AKNA: variants seen among roughly 807,000 people sequenced by gnomAD.
AKNA encodes microtubule organization protein AKNA.
AKNA carries 67 observed loss-of-function variants against 138.8 expected under a neutral mutation model. That is an observed-to-expected ratio of 0.48 (90% confidence interval 0.40 to 0.59). The LOEUF (loss-of-function observed/expected upper bound fraction) is 0.59. Ranked by LOEUF, AKNA falls within the 20% of genes least tolerant of loss-of-function variation. The pLI is 0.00. For missense variants in AKNA, 1,813 were observed against 1,880.4 expected, an observed-to-expected ratio of 0.96 and a Z score of 0.66; for synonymous variants, 737 against 754.4, an observed-to-expected ratio of 0.98 and a Z score of 0.38.
chr9:114,386,786 C>T (rs948833587), intron 1 of AKNA, among the ~76,000 whole-genome samples: 2 of 152,114 alleles, frequency 1.3e-5, no homozygotes, highest in Non-Finnish European at 2.9e-5. Flanking sequence ...CTTCTCCGCC[C>T]GCTCAGTCAT....
At chr9:114,346,051 G>C in intron 17 of AKNA, 42 bp from the exon 18 acceptor site, 3 of 1,595,554 alleles carry the variant, frequency 1.9e-6, no homozygotes, top group Non-Finnish European at 2.6e-6. Flanking sequence ...GCAAGGGGTG[G>C]GGGTCACATT....
chr9:114,391,127 T>C (rs371133293), upstream of AKNA, among the ~76,000 whole-genome samples: 1 of 152,278 alleles, frequency 6.6e-6, no homozygotes, highest in Non-Finnish European at 1.5e-5. Context: ...CATTTCACAG[T>C]TGGGTAAACA....
At chr9:114,392,588 C>T (rs1488641895), upstream of AKNA, among the ~76,000 whole-genome samples, 2 of 152,332 alleles carry the variant, frequency 1.3e-5, no homozygotes, top group Non-Finnish European at 1.5e-5. Flanking sequence ...GTTCTTGGCC[C>T]CAGTGCCCAG....
chr9:114,337,730 G>A (rs1830091834), intron 21 of AKNA, among the ~76,000 whole-genome samples: 1 of 152,004 alleles, frequency 6.6e-6, no homozygotes, highest in Non-Finnish European at 1.5e-5. Context: ...AAGAATATCT[G>A]GGGGTTCCAT....
At position 114,337,338 on chromosome 9, in the gene AKNA, A is replaced by G. The variant is rs774892836; in HGVS notation, c.4068-32T>C. The G allele has an allele frequency of 4.3e-6, 6 of 1,408,840 alleles. No individual in the cohort carries two copies. In the East Asian group the frequency reaches 7.8e-5, roughly 18 times the overall value. 87.3% of individuals were successfully genotyped at this position (1,408,840 alleles called of 1,614,324 possible). A position where few individuals can be genotyped will look rare whatever the true frequency, so the allele number is the denominator to read the frequency against. On this transcript the variant is annotated intron_variant, in intron 21 of 21. Coordinates refer to ENST00000374088, the MANE Select transcript of AKNA (RefSeq NM_001317950.2). The stretch of plus-strand genomic sequence containing the variant: ...AGAGAAGTGAGTGGGCTCGTTACAC[A>G]TGGGGAGGGCTGGGGACAAGCCGAG...
chr9:114,380,638 G>A (rs564062423), intron 2 of AKNA, among the ~76,000 whole-genome samples: 12 of 152,182 alleles, frequency 7.9e-5, no homozygotes, highest in African/African-American at 2.9e-4. Context: ...TACAGACTTT[G>A]TAGAATTTAA....
At chr9:114,366,020 T>C (rs1832322839) in intron 6 of AKNA, among the ~76,000 whole-genome samples, 1 of 152,228 alleles carries the variant, frequency 6.6e-6, no homozygotes, top group Non-Finnish European at 1.5e-5. Flanking sequence ...AAACGAAGCC[T>C]GTAATCCCAG....
At chr9:114,333,530 AT>A (rs1310844175), downstream of AKNA, among the ~76,000 whole-genome samples, 1 of 134,818 alleles carries the variant, frequency 7.4e-6, no homozygotes, top group East Asian at 2.0e-4. Flanking sequence ...ACAATGTGTG[AT>A]GATCAAATCG....
Position 114,337,096 on chromosome 9 carries a change from G to A in AKNA, c.4278C>T (p.Asp1426=), listed in dbSNP as rs375981274. ...TRQMRSSLSA[D]LRQAHSLRGS... Reference sequence around the variant, plus strand: ...CCCGCAGGCTGTGAGCCTGGCGCAGGTCGGCTGACAGCGAGCTTCTCATCT... The same window carrying A: ...CCCGCAGGCTGTGAGCCTGGCGCAGATCGGCTGACAGCGAGCTTCTCATCT... Residue 1426 remains aspartate, a synonymous_variant, in exon 22 of 22, where the codon GAC becomes GAT. Transcript: ENST00000374088. 3 of 1,597,808 alleles carry A rather than the reference G, an allele frequency of 1.9e-6. No individual in the cohort carries two copies. The highest frequency in any genetic ancestry group is 2.6e-6 in the Non-Finnish European group (3 of 1,172,946).
upstream of AKNA, among the ~76,000 whole-genome samples, chr9:114,392,923 G>C (rs1053644264): frequency 1.8e-4 from 28 of 152,210 alleles, no homozygotes; most frequent in African/African-American, 6.3e-4. Flanking sequence ...TGAGATAAGG[G>C]TTATGAGGAG....
In AKNA at chr9:114,381,326, C is replaced by G. The variant is rs772595773; in HGVS notation, c.8G>C (p.Ser3Thr). The change falls in exon 2 of 22, where the codon AGC becomes ACC. Residue 3 changes from serine (S) to threonine (T), a missense_variant. Ser to Thr is a moderately conservative substitution (Grantham distance 58). Transcript: ENST00000374088. ...AGCCCAGCGGATCTCAGTCTCCGAG[C>G]TGGCCATTGGGGCTGGCCTGGGCTT... MA[S>T]SETEIRWAEP... The G allele has an allele frequency of 2.5e-6, 4 of 1,591,516 alleles. No individual in the cohort carries two copies. Among genetic ancestry groups the G allele is most frequent in the Non-Finnish European group, 3.4e-6 (4 of 1,168,264 alleles).
rs984507980 is a variant in AKNA at position 114,377,378 on chromosome 9, C to T, written c.429G>A (p.Arg143=). The part of the protein sequence containing the change: ...EVEEAGESSS[R]LGYEAGLSLE... ...AGCTGAGACCAGCCTCATACCCCAA[C>T]CTTGAGGAGCTCTCTCCAGCCTCCT... The change falls in exon 3 of 22, where the codon AGG becomes AGA. Residue 143 remains arginine, a synonymous_variant. Coordinates refer to ENST00000374088, the MANE Select transcript of AKNA (RefSeq NM_001317950.2). 2.0e-5 allele frequency: 33 copies of T among 1,613,716 alleles called. No individual in the cohort carries two copies. The highest frequency in any genetic ancestry group is 6.7e-5 in the Admixed American group (4 of 59,958).
At position 114,345,854 on chromosome 9, in the gene AKNA, C is replaced by T; in HGVS notation, c.3661+9G>A. The T allele has an allele frequency of 6.2e-7, 1 of 1,613,846 alleles. No homozygotes were observed. The highest frequency in any genetic ancestry group is 8.5e-7 in the Non-Finnish European group (1 of 1,179,794). On this transcript the variant is annotated intron_variant, in intron 18 of 21. Coordinates refer to ENST00000374088, the MANE Select transcript of AKNA (RefSeq NM_001317950.2). ...GCTGCACCCATCCCGGCCCTCCCTC[C>T]TGACCTACCTGTGTATTGGCCCCGG...
intron 19 of AKNA, among the ~76,000 whole-genome samples, chr9:114,343,074 T>C (rs1010790144): frequency 1.3e-5 from 2 of 152,246 alleles, no homozygotes; most frequent in East Asian, 1.9e-4. Context: ...GTCTATAAAA[T>C]GGACGTAATA....
rs563559397 is a variant in AKNA at position 114,386,140 on chromosome 9, G to C, written c.-114+1720C>G. Among the ~76,000 whole-genome samples the C allele has an allele frequency of 5.9e-5, 9 of 152,228 alleles. No homozygotes were observed. In the East Asian group the frequency reaches 1.7e-3, roughly 29 times the overall value. ...CTGAGGTCACATTTCAAAGTACAAA[G>C]ATACATACTGAGCACCCAGTGGGCG... On this transcript the variant is annotated intron_variant, in intron 1 of 21. Transcript: ENST00000374088.
chr9:114,380,866 C>T (rs1833598377), intron 2 of AKNA, among the ~76,000 whole-genome samples, 194 bp downstream of exon 2: 1 of 151,564 alleles, frequency 6.6e-6, no homozygotes, highest in Admixed American at 6.6e-5. Context: ...GCCTGTAATC[C>T]CAGCTACTCG....
Position 114,336,564 on chromosome 9 carries a change from T to A in AKNA, c.*490A>T, listed in dbSNP as rs1334084212. The A allele has an allele frequency of 6.5e-6, 1 of 154,836 alleles. No homozygotes were observed. Among genetic ancestry groups the A allele is most frequent in the Non-Finnish European group, 1.4e-5 (1 of 70,018 alleles). 9.6% of individuals were successfully genotyped at this position (154,836 alleles called of 1,614,324 possible). On this transcript the variant is annotated 3_prime_UTR_variant, in exon 22 of 22. Coordinates refer to ENST00000374088, the MANE Select transcript of AKNA (RefSeq NM_001317950.2). ...TGACTACCAGTCACTAGGAGAAAGG[T>A]CTCCGGCTATGCCCTTCCCAGTGAT... is the stretch of plus-strand genomic sequence containing the variant.
intron 3 of AKNA, 101 bp downstream of exon 3, chr9:114,376,365 C>A: frequency 7.8e-7 from 1 of 1,277,062 alleles, no homozygotes; most frequent in Non-Finnish European, 1.1e-6. Flanking sequence ...GGCCTCTCCA[C>A]CCCAGCCAGC....
At chr9:114,330,675 A>G, downstream of AKNA, 1 of 1,601,796 alleles carries the variant, frequency 6.2e-7, no homozygotes, top group Admixed American at 1.7e-5. Context: ...CCATGGGTGG[A>G]ACCGGGAGGG....
Sources: gnomAD v4.1 joint callset for allele counts (sites outside exome capture counted in the v4.1 genomes callset) on GRCh38, gnomAD v4.1.1 for gene constraint, MANE v1.5 for transcripts, NCBI Gene and HGNC (gene_info 2026-07-23, HGNC 2026-07-21) for gene names.